USP6NL: variants seen among roughly 807,000 people sequenced by gnomAD.
USP6NL encodes the protein USP6 N-terminal like.
USP6NL carries 26 observed loss-of-function variants against 61.9 expected under a neutral mutation model. The ratio of observed to expected loss-of-function variants is 0.42; its 90% CI spans 0.31 to 0.58. The LOEUF is 0.58. Among genes scored for constraint, USP6NL ranks in the 20% least tolerant of loss-of-function variants. The pLI is 0.16. For synonymous variants in USP6NL, 432 were observed against 390.1 expected (o/e 1.11, Z -1.27); for missense variants, 1,114 against 1,034.3 (o/e 1.08, Z -1.06).
chr10:11,504,099 T>C (rs138095992), intron 6 of USP6NL, among the ~76,000 whole-genome samples: 1 of 152,208 alleles, frequency 6.6e-6, no homozygotes, highest in African/African-American at 2.4e-5. Flanking sequence ...AAACAAAACA[T>C]GAACACAAAA....
intron 2 of USP6NL, among the ~76,000 whole-genome samples, chr10:11,552,653 T>C (rs1162636930): frequency 1.3e-5 from 2 of 152,226 alleles, no homozygotes; most frequent in African/African-American, 2.4e-5. Flanking sequence ...ATTCACATTA[T>C]GCAGAAAATT....
At chr10:11,573,670 T>C in intron 2 of USP6NL, 1 of 398,898 alleles carries the variant, frequency 2.5e-6, no homozygotes, top group Middle Eastern at 6.3e-4. Context: ...TCTGCAAGAC[T>C]TGAATCATTG....
At chr10:11,501,473 T>C (rs898128920) in intron 6 of USP6NL, among the ~76,000 whole-genome samples, 1 of 152,196 alleles carries the variant, frequency 6.6e-6, no homozygotes, top group African/African-American at 2.4e-5. Flanking sequence ...ATTACGGAAG[T>C]GTCCCTTAAG....
chr10:11,493,795 G>A (rs1181426458), intron 7 of USP6NL, among the ~76,000 whole-genome samples: 2 of 149,304 alleles, frequency 1.3e-5, no homozygotes, highest in African/African-American at 2.4e-5. Context: ...CTGCCTGTGC[G>A]GCCGGACCTC....
chr10:11,603,190 G>T (rs1330505749), intron 1 of USP6NL, among the ~76,000 whole-genome samples: 1 of 152,194 alleles, frequency 6.6e-6, no homozygotes, highest in African/African-American at 2.4e-5. Context: ...TGAGGCATGA[G>T]ATAAGAATGA....
chr10:11,532,204 T>C lies in USP6NL; in HGVS notation c.5-4637A>G, dbSNP rs778934293. 6 of 1,603,894 alleles carry C rather than the reference T, an allele frequency of 3.7e-6. No individual in the cohort carries two copies. The highest frequency in any genetic ancestry group is 4.3e-6 in the Non-Finnish European group (5 of 1,174,480). Reference sequence around the variant, plus strand: ...CTTTGTGAGATAATCAGTCTGGCCTTGGGAATTAACAACAGCTTCAGTCCT... The same window carrying C: ...CTTTGTGAGATAATCAGTCTGGCCTCGGGAATTAACAACAGCTTCAGTCCT... On this transcript the variant is annotated intron_variant, in intron 2 of 14. Transcript: ENST00000609104. The surrounding 1 kb of genome is among the most constrained non-coding windows in gnomAD (Gnocchi z 4.1).
At chr10:11,529,645 C>T (rs1261340817) in intron 2 of USP6NL, among the ~76,000 whole-genome samples, 1 of 152,142 alleles carries the variant, frequency 6.6e-6, no homozygotes, top group East Asian at 1.9e-4. Flanking sequence ...ATGAGTTGTT[C>T]AGATTTTCAC....
At chr10:11,533,093 A>G (rs2133425909) in intron 2 of USP6NL, among the ~76,000 whole-genome samples, 1 of 152,334 alleles carries the variant, frequency 6.6e-6, no homozygotes, top group South Asian at 2.1e-4. Context: ...ACACTAATAA[A>G]TTAAGTTTAC....
At chr10:11,557,985 A>G (rs943627791) in intron 2 of USP6NL, among the ~76,000 whole-genome samples, 3 of 152,254 alleles carry the variant, frequency 2.0e-5, no homozygotes, top group Non-Finnish European at 4.4e-5. Flanking sequence ...ATCTAAGTGA[A>G]TGAAGTATAC....
chr10:11,577,570 G>A (rs751354178), intron 2 of USP6NL, among the ~76,000 whole-genome samples: 44 of 151,086 alleles, frequency 2.9e-4, no homozygotes, highest in African/African-American at 8.0e-4. Context: ...GCGCAATCTC[G>A]GCTCACTGCA....
Position 11,581,555 on chromosome 10 carries a change from T to C in USP6NL, c.4+16076A>G, listed in dbSNP as rs148667006. 3.3e-3 allele frequency among the ~76,000 whole-genome samples: 497 copies of C among 152,344 alleles called. 2 individuals are homozygous for C. The highest frequency in any genetic ancestry group is 0.011 in the African/African-American group (478 of 41,582). On this transcript the variant is annotated intron_variant, in intron 2 of 14. Coordinates refer to ENST00000609104, the MANE Select transcript of USP6NL (RefSeq NM_014688.5). ...AACTACTGTCATCCTTTTCAGAACA[T>C]GTAGATAAATGAGATGAAAAAAATG...
intron 3 of USP6NL, among the ~76,000 whole-genome samples, chr10:11,526,352 T>A (rs1835420502): frequency 6.6e-6 from 1 of 152,144 alleles, no homozygotes. Context: ...ACTGGGAGCA[T>A]CCTGTAGGCA....
rs552505744 is a variant in USP6NL at position 11,546,562 on chromosome 10, C to T, written c.5-18995G>A. Among the ~76,000 whole-genome samples, 517 of 143,540 alleles carry T rather than the reference C, an allele frequency of 3.6e-3. 2 individuals are homozygous for T. The highest frequency in any genetic ancestry group is 0.013 in the African/African-American group (501 of 39,214). 94.2% of individuals were successfully genotyped at this position (143,540 alleles called of 152,430 possible). Reference sequence around the variant, plus strand: ...GACTACAGGTGCCCGCCACCATGTCCGGCTAATTGTTGTTGTTGTTGTTGT... The same window carrying T: ...GACTACAGGTGCCCGCCACCATGTCTGGCTAATTGTTGTTGTTGTTGTTGT... On this transcript the variant is annotated intron_variant, in intron 2 of 14. Coordinates refer to ENST00000609104, the MANE Select transcript of USP6NL (RefSeq NM_014688.5).
At chr10:11,498,166 G>C (rs898449469) in intron 7 of USP6NL, among the ~76,000 whole-genome samples, 1 of 144,566 alleles carries the variant, frequency 6.9e-6, no homozygotes, top group Non-Finnish European at 1.5e-5. Context: ...AACCTAGGAG[G>C]TGGAGGTTGC....
intron 1 of USP6NL, among the ~76,000 whole-genome samples, chr10:11,604,723 G>C (rs1838653525): frequency 6.6e-6 from 1 of 152,118 alleles, no homozygotes; most frequent in Non-Finnish European, 1.5e-5. Flanking sequence ...TTTATCTTCA[G>C]CAATTACAGC....
chr10:11,506,145 C>T (rs1176320581), intron 6 of USP6NL, among the ~76,000 whole-genome samples: 1 of 152,016 alleles, frequency 6.6e-6, no homozygotes, highest in Non-Finnish European at 1.5e-5. Flanking sequence ...TATTTCTAGG[C>T]AATATGCCTC....
intron 2 of USP6NL, among the ~76,000 whole-genome samples, chr10:11,557,244 C>G (rs756294661): frequency 5.9e-5 from 9 of 152,126 alleles, no homozygotes; most frequent in Non-Finnish European, 1.3e-4. Context: ...TTGAAACTGT[C>G]TGCTTAATTA....
chr10:11,475,457 G>T (rs966942692), intron 14 of USP6NL, among the ~76,000 whole-genome samples: 1 of 151,866 alleles, frequency 6.6e-6, no homozygotes, highest in Non-Finnish European at 1.5e-5. Context: ...TTAGCCGGGC[G>T]TGGTGGCATA....
In USP6NL at chr10:11,593,694, C is replaced by T. The variant is rs368058491; in HGVS notation, c.4+3937G>A. On this transcript the variant is annotated intron_variant, in intron 2 of 14. Transcript: ENST00000609104. The stretch of plus-strand genomic sequence containing the variant: ...GATACTCAGCCTCAGAACGTGATAG[C>T]CTATATATCCACCAGAATAAAAGCG... Among the ~76,000 whole-genome samples the T allele has an allele frequency of 1.2e-3, 180 of 152,280 alleles. 3 individuals carry two copies. In the South Asian group the frequency reaches 0.035, roughly 30 times the overall value.
Sources: gnomAD v4.1 joint callset for allele counts (sites outside exome capture counted in the v4.1 genomes callset) on GRCh38, gnomAD v4.1.1 for gene constraint, Gnocchi (gnomAD v3.1) non-coding constraint, MANE v1.5 for transcripts, NCBI Gene and HGNC (gene_info 2026-07-23, HGNC 2026-07-21) for gene names.